SETD5: variants seen among roughly 807,000 people sequenced by gnomAD.
The protein encoded by SETD5 is histone-lysine N-methyltransferase SETD5.
SETD5 carries 44 observed loss-of-function variants against 153.3 expected under a neutral mutation model. That is an observed-to-expected ratio of 0.29 (90% CI 0.23 to 0.37). The LOEUF is 0.37. Among genes scored for constraint, SETD5 ranks in the 10% least tolerant of loss-of-function variants. The pLI is 1.00. For missense variants in SETD5, 1,544 were observed against 1,768.0 expected, an observed-to-expected ratio of 0.87 and a Z score of 2.27; for synonymous variants, 716 against 645.2, an observed-to-expected ratio of 1.11 and a Z score of -1.66.
intron 18 of SETD5, among the ~76,000 whole-genome samples, chr3:9,467,631 A>G (rs2044768442): frequency 6.6e-6 from 1 of 152,066 alleles, no homozygotes; most frequent in African/African-American, 2.4e-5. Context: ...CAGAGTCTAC[A>G]TTAGGCACCC....
At chr3:9,417,747 A>G (rs1397769021) in intron 1 of SETD5, among the ~76,000 whole-genome samples, 1 of 150,316 alleles carries the variant, frequency 6.7e-6, no homozygotes, top group Non-Finnish European at 1.5e-5. Context: ...GGCCTCCCAA[A>G]GTGCTGGGAT....
In SETD5 at chr3:9,397,911, C is replaced by A. The variant is rs1388858418; in HGVS notation, c.-243C>A. 1 of 151,868 alleles carries A rather than the reference C, an allele frequency of 6.6e-6. No individual in the cohort carries two copies. Among genetic ancestry groups the A allele is most frequent in the African/African-American group, 2.4e-5 (1 of 41,086 alleles). 9.4% of individuals were successfully genotyped at this position (151,868 alleles called of 1,614,324 possible). On this transcript the variant is annotated 5_prime_UTR_variant, in exon 1 of 23. Transcript: ENST00000402198. ...GCGCCGCGTTGGGCCTAACTCGAGT[C>A]CTGCCGCCTCCCGGGAGTGCCGTGC... is the stretch of plus-strand genomic sequence containing the variant.
intron 3 of SETD5, chr3:9,431,223 T>C (rs2039925345): frequency 1.8e-5 from 18 of 985,434 alleles, no homozygotes; most frequent in Non-Finnish European, 2.2e-5. Flanking sequence ...TTTTTCTGAA[T>C]TTCCAACTCT....
intron 1 of SETD5, among the ~76,000 whole-genome samples, chr3:9,417,315 T>C (rs1413925455): frequency 6.6e-6 from 1 of 152,170 alleles, no homozygotes; most frequent in East Asian, 1.9e-4. Flanking sequence ...TTCAGTCAGG[T>C]GCTAGTGCCA....
chr3:9,425,062 T>TTTTTGTTTTTTTG (rs2038965709), intron 2 of SETD5, among the ~76,000 whole-genome samples: 3 of 144,398 alleles, frequency 2.1e-5, no homozygotes, highest in African/African-American at 7.9e-5. Flanking sequence ...TTTCTTTTTT[T>TTTTTGTTTTTTTG]TTTTTTTTTT....
At chr3:9,426,402 AT>A (rs538258246) in intron 2 of SETD5, among the ~76,000 whole-genome samples, 95 of 129,790 alleles carry the variant, frequency 7.3e-4, no homozygotes, top group Middle Eastern at 4.0e-3. Context: ...CACCAGATTT[AT>A]TTTTTTTTTT....
chr3:9,446,982 C>T, intron 13 of SETD5, 68 bp from the exon 14 acceptor site: 7 of 1,143,966 alleles, frequency 6.1e-6, no homozygotes, highest in Non-Finnish European at 7.3e-6. Context: ...ATTAAAAATA[C>T]TTTTATAAAA....
intron 1 of SETD5, among the ~76,000 whole-genome samples, chr3:9,415,936 G>A (rs1255545301): frequency 1.3e-5 from 2 of 149,958 alleles, no homozygotes; most frequent in South Asian, 2.1e-4. Flanking sequence ...GTGCAGCAGC[G>A]CAATCTCAGT....
intron 7 of SETD5, among the ~76,000 whole-genome samples, chr3:9,436,139 A>C (rs905020579): frequency 1.3e-5 from 2 of 152,102 alleles, no homozygotes; most frequent in African/African-American, 4.8e-5. Flanking sequence ...TCCCCATCCC[A>C]GGTATGAAAT....
At chr3:9,443,025 G>GTATCT (rs2041498445) in intron 10 of SETD5, 7 of 309,732 alleles carry the variant, frequency 2.3e-5, no homozygotes, top group South Asian at 1.9e-4. Context: ...GAGCGACAGA[G>GTATCT]CAAGACTGTA....
chr3:9,453,091 C>G (rs1179868750), intron 16 of SETD5, among the ~76,000 whole-genome samples: 1 of 152,036 alleles, frequency 6.6e-6, no homozygotes, highest in Non-Finnish European at 1.5e-5. Flanking sequence ...GATAGGTCTT[C>G]TTTTTGACTT....
At chr3:9,454,351 G>T (rs1437165197) in intron 17 of SETD5, among the ~76,000 whole-genome samples, 1 of 151,996 alleles carries the variant, frequency 6.6e-6, no homozygotes, top group Non-Finnish European at 1.5e-5. Flanking sequence ...GGGCGCTGTG[G>T]CTCGCACCTG....
chr3:9,453,364 G>A (rs3898759), intron 16 of SETD5, among the ~76,000 whole-genome samples: 10,479 of 152,004 alleles, frequency 0.069, 540 homozygotes, highest in Admixed American at 0.12. Context: ...CCTTCTAGGC[G>A]CTTATTTTAT....
intron 2 of SETD5, among the ~76,000 whole-genome samples, chr3:9,425,757 G>A (rs1244468378): frequency 6.6e-6 from 1 of 151,968 alleles, no homozygotes; most frequent in South Asian, 2.1e-4. Context: ...TGTATTTTTA[G>A]TAGAGATAGG....
chr3:9,398,246 T>A (rs1316804542), intron 1 of SETD5: 2 of 138,890 alleles, frequency 1.4e-5, no homozygotes, highest in Non-Finnish European at 3.1e-5. Flanking sequence ...ACGCTTCCCC[T>A]CCCCCAACGC....
intron 17 of SETD5, among the ~76,000 whole-genome samples, chr3:9,463,437 G>A (rs1452866454): frequency 6.6e-6 from 1 of 152,146 alleles, no homozygotes; most frequent in Non-Finnish European, 1.5e-5. Context: ...ACTTTTAACT[G>A]TAAATGAATA....
chr3:9,464,465 G>C lies in SETD5; in HGVS notation c.2517G>C (p.Leu839=), dbSNP rs1415592263. Residue 839 remains leucine (L), a synonymous_variant, in exon 18 of 23, where the codon CTG becomes CTC. Transcript: ENST00000402198. ...SPLKKWKSRY[L]MEQNVTKLLR... ...TAAAGAAATGGAAGTCTCGCTATCT[G>C]ATGGAGCAGAATGTCACCAAGTTAC... 2 of 1,613,512 alleles carry C rather than the reference G, an allele frequency of 1.2e-6. No individual in the cohort carries two copies. Among genetic ancestry groups the C allele is most frequent in the African/African-American group, 2.7e-5 (2 of 74,922 alleles).
At chr3:9,419,308 G>A (rs997608029) in intron 1 of SETD5, among the ~76,000 whole-genome samples, 1 of 152,186 alleles carries the variant, frequency 6.6e-6, no homozygotes, top group Non-Finnish European at 1.5e-5. Flanking sequence ...TTTGTTGAAT[G>A]AATGAATGAA....
At chr3:9,435,279 AAGTTCC>A (rs1292025333) in intron 6 of SETD5, among the ~76,000 whole-genome samples, 1 of 151,752 alleles carries the variant, frequency 6.6e-6, no homozygotes, top group East Asian at 1.9e-4. Context: ...CCCCTCTTAC[AAGTTCC>A]CATGGTCCCC....
Sources: gnomAD v4.1 joint callset for allele counts (sites outside exome capture counted in the v4.1 genomes callset) on GRCh38, gnomAD v4.1.1 for gene constraint, MANE v1.5 for transcripts, NCBI Gene and HGNC (gene_info 2026-07-23, HGNC 2026-07-21) for gene names.